Variants in TAS2R1 observed in about 807,000 individuals in gnomAD.
The protein encoded by TAS2R1 is taste 2 receptor member 1.
For synonymous variants in TAS2R1, 141 were observed against 134.2 expected, an observed-to-expected ratio of 1.05 and a Z score of -0.35; for missense variants, 370 against 353.4, an observed-to-expected ratio of 1.05 and a Z score of -0.38.
chr5:9,813,442 C>T, the TAS2R1 span, among the ~76,000 whole-genome samples: 2 of 152,150 alleles, frequency 1.3e-5, no homozygotes, highest in Admixed American at 1.3e-4. Context: ...TGGCCCTTCT[C>T]CCACTTTGCT....
intron 1 of TAS2R1, among the ~76,000 whole-genome samples, chr5:9,699,411 G>C (rs76388553): frequency 0.011 from 1,626 of 152,280 alleles, 20 homozygotes; most frequent in African/African-American, 0.034. Context: ...TTATTCTTCT[G>C]AGGATGATTT....
intron 1 of TAS2R1, among the ~76,000 whole-genome samples, chr5:9,685,092 A>G (rs1459992118): frequency 6.6e-6 from 1 of 152,164 alleles, no homozygotes; most frequent in Non-Finnish European, 1.5e-5. Context: ...CATGGACTGT[A>G]TGTATCTGGA....
At chr5:9,682,258 C>T (rs1741008486) in intron 1 of TAS2R1, among the ~76,000 whole-genome samples, 1 of 152,182 alleles carries the variant, frequency 6.6e-6, no homozygotes. Flanking sequence ...TTATTGCCAA[C>T]AAAGCAGGTT....
chr5:9,705,714 G>T (rs1741591695), intron 1 of TAS2R1, among the ~76,000 whole-genome samples: 1 of 152,108 alleles, frequency 6.6e-6, no homozygotes, highest in African/African-American at 2.4e-5. Context: ...CAAAAAATTA[G>T]CCGGGCATCG....
chr5:9,830,603 G>GTGCA, the TAS2R1 span, among the ~76,000 whole-genome samples: 4 of 59,906 alleles, frequency 6.7e-5, no homozygotes, highest in African/African-American at 2.0e-4. Flanking sequence ...ACACGTGCGC[G>GTGCA]CGCACACACA....
At chr5:9,812,300 A>G in the TAS2R1 span, among the ~76,000 whole-genome samples, 1 of 151,230 alleles carries the variant, frequency 6.6e-6, no homozygotes, top group Non-Finnish European at 1.5e-5. Context: ...TATACATATA[A>G]TAATATTATA....
At chr5:9,831,608 C>T in the TAS2R1 span, among the ~76,000 whole-genome samples, 4 of 144,578 alleles carry the variant, frequency 2.8e-5, no homozygotes, top group African/African-American at 4.9e-5. Flanking sequence ...TTTTCTTTAA[C>T]GAGCATGTTT....
the TAS2R1 span, among the ~76,000 whole-genome samples, chr5:9,751,636 G>A: frequency 6.6e-6 from 1 of 152,126 alleles, no homozygotes; most frequent in Non-Finnish European, 1.5e-5. Flanking sequence ...TTTACTCTCA[G>A]TGACTCTATA....
chr5:9,743,397 C>T, the TAS2R1 span, among the ~76,000 whole-genome samples: 2 of 151,922 alleles, frequency 1.3e-5, no homozygotes, highest in Non-Finnish European at 2.9e-5. Context: ...TATACATGTG[C>T]CATGTTGGTG....
chr5:9,669,441 C>T (rs1444511576), intron 1 of TAS2R1, among the ~76,000 whole-genome samples: 1 of 152,080 alleles, frequency 6.6e-6, no homozygotes, highest in Non-Finnish European at 1.5e-5. Flanking sequence ...CTCTGTACCC[C>T]AAAACAACAG....
chr5:9,700,398 T>C (rs1386979047), intron 1 of TAS2R1, among the ~76,000 whole-genome samples: 3 of 152,166 alleles, frequency 2.0e-5, no homozygotes, highest in African/African-American at 7.2e-5. Context: ...AGACCAGCCA[T>C]AGATTCACGG....
chr5:9,691,837 TC>T (rs144602990), intron 1 of TAS2R1, among the ~76,000 whole-genome samples: 4,780 of 152,272 alleles, frequency 0.031, 96 homozygotes, highest in African/African-American at 0.057. Context: ...AAAGAAAAAG[TC>T]CCCTAGAGTC....
the TAS2R1 span, among the ~76,000 whole-genome samples, chr5:9,728,547 C>CA: frequency 6.6e-6 from 1 of 152,082 alleles, no homozygotes; most frequent in Admixed American, 6.5e-5. Flanking sequence ...GTCAAGTTTG[C>CA]AAAAAATGAA....
At chr5:9,876,445 CA>C in the TAS2R1 span, among the ~76,000 whole-genome samples, 2 of 152,114 alleles carry the variant, frequency 1.3e-5, no homozygotes, top group African/African-American at 4.8e-5. Context: ...TTGAAGGCCA[CA>C]ATTGTTCTCT....
At chr5:9,725,791 C>T in the TAS2R1 span, among the ~76,000 whole-genome samples, 1 of 152,246 alleles carries the variant, frequency 6.6e-6, no homozygotes, top group Admixed American at 6.5e-5. Flanking sequence ...AGCTGGGCTC[C>T]TGCGTCTGGT....
chr5:9,629,801 A>T lies in TAS2R1; in HGVS notation c.232T>A (p.Cys78Ser). The T allele has an allele frequency of 6.2e-7, 1 of 1,614,054 alleles. No homozygotes were observed. The highest frequency in any genetic ancestry group is 8.5e-7 in the Non-Finnish European group (1 of 1,179,962). ...IVIFFIEFIMCSANCAILLFI... is the reference protein window; with the variant it reads ...IVIFFIEFIMSSANCAILLFI... ...AAGAGAATTGCACAATTCGCAGAAC[A>T]CATGATGAATTCTATGAAGAAGATA... The change falls in exon 1 of 1, where the codon TGT (cysteine) becomes AGT (serine). Residue 78 changes from cysteine to serine, a missense_variant. Cys to Ser is a moderately radical substitution (Grantham distance 112). Coordinates refer to ENST00000382492, the MANE Select transcript of TAS2R1 (RefSeq NM_019599.3).
At chr5:9,638,687 G>A (rs545836546) in intron 2 of TAS2R1, among the ~76,000 whole-genome samples, 2 of 152,260 alleles carry the variant, frequency 1.3e-5, no homozygotes, top group South Asian at 2.1e-4. Context: ...AAGCTCCCAA[G>A]AATTTCTATG....
At chr5:9,634,759 T>C (rs1739934959), upstream of TAS2R1, among the ~76,000 whole-genome samples, 1 of 152,122 alleles carries the variant, frequency 6.6e-6, no homozygotes, top group Non-Finnish European at 1.5e-5. Flanking sequence ...CCATTATTGG[T>C]GCATAGCAGT....
chr5:9,871,655 T>C, the TAS2R1 span, among the ~76,000 whole-genome samples: 1 of 152,146 alleles, frequency 6.6e-6, no homozygotes, highest in Non-Finnish European at 1.5e-5. Flanking sequence ...TCTTCATGCA[T>C]AAAAAGGTGC....
Sources: gnomAD v4.1 joint callset for allele counts (sites outside exome capture counted in the v4.1 genomes callset) on GRCh38, gnomAD v4.1.1 for gene constraint, MANE v1.5 for transcripts, NCBI Gene and HGNC (gene_info 2026-07-23, HGNC 2026-07-21) for gene names.